Variants in WWP2 observed in about 807,000 individuals in gnomAD.
WWP2 encodes the protein NEDD4-like E3 ubiquitin-protein ligase WWP2.
In WWP2, 57 loss-of-function variants were observed where a neutral mutation model predicts 121.0. The observed-to-expected ratio is 0.47, with a 90% CI of 0.38 to 0.59. WWP2 has a LOEUF of 0.59. Among genes scored for constraint, WWP2 ranks in the 20% least tolerant of loss-of-function variants. The probability of loss-of-function intolerance (pLI) is 0.00; values close to 1 mark genes in which losing one functional copy is unlikely to be tolerated. For synonymous variants in WWP2, 449 were observed against 441.3 expected (o/e 1.02, Z -0.22); for missense variants, 962 against 1,158.9 (o/e 0.83, Z 2.47).
Position 69,939,044 on chromosome 16 carries a change from CA to C in WWP2, c.2363del (p.Asn788ThrfsTer66). On this transcript the variant is annotated frameshift_variant, in exon 22 of 24. Transcript: ENST00000359154. LOFTEE classifies it high-confidence loss of function. ...ACTTCCAGGTGGTGAAGGAGATGGACAACGAGAAGAGGATCCGGCTGCTGCA... is the reference window on the plus strand; with the variant it reads ...ACTTCCAGGTGGTGAAGGAGATGGACACGAGAAGAGGATCCGGCTGCTGCA... ...WFWQVVKEMD[N>X]EKRIRLLQFV... The C allele has an allele frequency of 6.2e-7, 1 of 1,605,080 alleles. No homozygotes were observed. The highest frequency in any genetic ancestry group is 8.5e-7 in the Non-Finnish European group (1 of 1,175,346).
intron 8 of WWP2, 40 bp downstream of exon 8, chr16:69,888,289 A>C: frequency 6.3e-7 from 1 of 1,590,630 alleles, no homozygotes; most frequent in Non-Finnish European, 8.6e-7. Flanking sequence ...TCTCCTCCTC[A>C]AAGACTGAGG....
chr16:69,939,453 G>T, intron 23 of WWP2, 40 bp downstream of exon 23: 1 of 1,608,092 alleles, frequency 6.2e-7, no homozygotes, highest in South Asian at 1.1e-5. Flanking sequence ...GGGGGCCTCA[G>T]ACCCGATGAG....
chr16:69,804,894 T>C (rs1597697053), intron 4 of WWP2, among the ~76,000 whole-genome samples: 1 of 152,300 alleles, frequency 6.6e-6, no homozygotes, highest in Non-Finnish European at 1.5e-5. Flanking sequence ...AAACCTTTGG[T>C]ATTATTTTCA....
rs369653281 is a variant in WWP2 at position 69,888,043 on chromosome 16, T to A, written c.708T>A (p.Asn236Lys). The change falls in exon 8 of 24, where the codon AAT becomes AAA. Residue 236 changes from asparagine to lysine, a missense_variant. By Grantham distance (94) the Asn-to-Lys change is moderately conservative. Transcript: ENST00000359154. Reference protein sequence around the residue: ...GHSGLANGTVNDEPTTATDPE... With the variant: ...GHSGLANGTVKDEPTTATDPE... ...GTATGATTTGTGCATCTTCAGTGAA[T>A]GATGAACCCACAACAGCCACTGATC... is the stretch of plus-strand genomic sequence containing the variant. 52 of 1,614,064 alleles carry A rather than the reference T, an allele frequency of 3.2e-5. 1 individual carries two copies. Among genetic ancestry groups the A allele is most frequent in the African/African-American group, 1.1e-4 (8 of 74,932 alleles).
intron 7 of WWP2, among the ~76,000 whole-genome samples, chr16:69,887,209 T>G (rs1485382970): frequency 6.6e-6 from 1 of 152,194 alleles, no homozygotes; most frequent in Non-Finnish European, 1.5e-5. Context: ...GACCCTTAGC[T>G]ATGAGCCCTT....
intron 10 of WWP2, among the ~76,000 whole-genome samples, chr16:69,920,123 C>T (rs937475520): frequency 2.6e-5 from 4 of 152,068 alleles, no homozygotes; most frequent in Non-Finnish European, 4.4e-5. Flanking sequence ...AATCATCAGC[C>T]ATAAGTCACT....
intron 1 of WWP2, among the ~76,000 whole-genome samples, chr16:69,783,698 C>T (rs2055714267): frequency 6.6e-6 from 1 of 152,036 alleles, no homozygotes; most frequent in Non-Finnish European, 1.5e-5. Context: ...GTAGTCCCAG[C>T]ACTTTGGGAG....
At chr16:69,931,703 T>G (rs986042958) in intron 15 of WWP2, 99 bp from the exon 16 acceptor site, 1 of 1,568,626 alleles carries the variant, frequency 6.4e-7, no homozygotes, top group Non-Finnish European at 8.8e-7. Context: ...TTGGTGACTG[T>G]GTCTGCTGGA....
intron 4 of WWP2, among the ~76,000 whole-genome samples, chr16:69,821,360 CA>C (rs1487637919): frequency 6.6e-6 from 1 of 152,196 alleles, no homozygotes; most frequent in African/African-American, 2.4e-5. Flanking sequence ...CCACAAGTTT[CA>C]AAAAGTAAAC....
chr16:69,795,375 C>T (rs2056012260), intron 2 of WWP2, among the ~76,000 whole-genome samples: 1 of 152,116 alleles, frequency 6.6e-6, no homozygotes, highest in African/African-American at 2.4e-5. Context: ...GAACTGTTTA[C>T]ACTTAAATTA....
At chr16:69,801,593 G>A (rs1181366323) in intron 4 of WWP2, among the ~76,000 whole-genome samples, 1 of 152,098 alleles carries the variant, frequency 6.6e-6, no homozygotes, top group African/African-American at 2.4e-5. Flanking sequence ...CTGGAGTGTA[G>A]TGGCTATTTA....
At chr16:69,909,396 T>G in intron 9 of WWP2, 2 of 985,908 alleles carry the variant, frequency 2.0e-6, no homozygotes, top group Non-Finnish European at 2.4e-6. Context: ...ATATGCACAC[T>G]TCCCCTGCCC....
chr16:69,848,000 C>T (rs981664575), intron 6 of WWP2, among the ~76,000 whole-genome samples: 7 of 152,206 alleles, frequency 4.6e-5, no homozygotes, highest in Non-Finnish European at 8.8e-5. Flanking sequence ...GCTTGAATAA[C>T]TGGCTCCTCT....
intron 4 of WWP2, among the ~76,000 whole-genome samples, chr16:69,802,265 A>G (rs1369379607): frequency 6.6e-6 from 1 of 152,216 alleles, no homozygotes; most frequent in Non-Finnish European, 1.5e-5. Flanking sequence ...CACATGATGT[A>G]AAATTAATCA....
intron 10 of WWP2, among the ~76,000 whole-genome samples, chr16:69,919,486 C>T (rs1184581416): frequency 6.6e-6 from 1 of 152,042 alleles, no homozygotes; most frequent in African/African-American, 2.4e-5. Flanking sequence ...ATTTTCTCGT[C>T]CAGAATTGTG....
chr16:69,815,054 G>T (rs1330751703), intron 4 of WWP2, among the ~76,000 whole-genome samples: 1 of 151,904 alleles, frequency 6.6e-6, no homozygotes, highest in African/African-American at 2.4e-5. Context: ...TCAGGCTGGG[G>T]TGTAGTGGGA....
At chr16:69,796,677 G>A (rs2056054303) in intron 2 of WWP2, among the ~76,000 whole-genome samples, 1 of 152,202 alleles carries the variant, frequency 6.6e-6, no homozygotes, top group South Asian at 2.1e-4. Context: ...GTAGATTCAT[G>A]CTCTTACCAC....
At chr16:69,877,324 A>G (rs1166638816) in intron 7 of WWP2, among the ~76,000 whole-genome samples, 1 of 152,154 alleles carries the variant, frequency 6.6e-6, no homozygotes, top group African/African-American at 2.4e-5. Context: ...CTATCTTCCA[A>G]CTTTTCTTCT....
chr16:69,859,873 C>G (rs1197314704), intron 6 of WWP2, among the ~76,000 whole-genome samples: 1 of 150,600 alleles, frequency 6.6e-6, no homozygotes. Flanking sequence ...CCCCCCACCC[C>G]CGCCCCGCCC....
Sources: gnomAD v4.1 joint callset for allele counts (sites outside exome capture counted in the v4.1 genomes callset) on GRCh38, gnomAD v4.1.1 for gene constraint, MANE v1.5 for transcripts, NCBI Gene and HGNC (gene_info 2026-07-23, HGNC 2026-07-21) for gene names.